The following CA5B variants were observed in gnomAD, a reference collection of about 807,000 sequenced individuals.
CA5B encodes the protein carbonic anhydrase 5B.
CA5B carries 15 observed loss-of-function variants against 23.1 expected under a neutral mutation model. The ratio of observed to expected loss-of-function variants is 0.65; its 90% CI spans 0.43 to 1.00. The LOEUF is 1.00. Ranked by LOEUF, CA5B falls within the 50% of genes least tolerant of loss-of-function variation. CA5B has a pLI of 0.00. For missense variants in CA5B, 236 were observed against 252.2 expected (o/e 0.94, Z 0.43); for synonymous variants, 84 against 98.5 (o/e 0.85, Z 0.87).
chrX:15,767,551 G>A (rs1326116455), intron 3 of CA5B, among the ~76,000 whole-genome samples: 1 of 109,440 alleles, frequency 9.1e-6, no homozygotes, highest in Non-Finnish European at 1.9e-5. Flanking sequence ...ACAGGCATGT[G>A]CCACCACGCT....
At chrX:15,743,942 A>G (rs1931173152) in intron 1 of CA5B, among the ~76,000 whole-genome samples, 1 of 111,929 alleles carries the variant, frequency 8.9e-6, no homozygotes. Flanking sequence ...GGTCCCCTAC[A>G]GTGAGATCAG....
At chrX:15,770,794 GTCTT>G (rs977640749) in intron 3 of CA5B, among the ~76,000 whole-genome samples, 2 of 108,029 alleles carry the variant, frequency 1.9e-5, no homozygotes, top group Non-Finnish European at 3.8e-5. Context: ...TTTAGAAAGA[GTCTT>G]TCTCTGTTGC....
chrX:15,749,460 A>G (rs1601779427), intron 1 of CA5B, among the ~76,000 whole-genome samples: 1 of 111,892 alleles, frequency 8.9e-6, no homozygotes. Flanking sequence ...GTCCATGACT[A>G]TTTTGGCAGG....
chrX:15,746,771 T>G (rs1454021897), intron 1 of CA5B, among the ~76,000 whole-genome samples: 1 of 110,602 alleles, frequency 9.0e-6, no homozygotes, highest in Non-Finnish European at 1.9e-5. Flanking sequence ...TGAAGTGAGG[T>G]TTTCTTGCTG....
chrX:15,756,086 A>G (rs1343954663), intron 2 of CA5B, among the ~76,000 whole-genome samples: 4 of 112,019 alleles, frequency 3.6e-5, no homozygotes, highest in Non-Finnish European at 5.6e-5. Flanking sequence ...TTGAGGAGTA[A>G]GAACAGTTGA....
chrX:15,756,888 A>G (rs1244724657), intron 2 of CA5B, among the ~76,000 whole-genome samples: 1 of 106,447 alleles, frequency 9.4e-6, no homozygotes, highest in East Asian at 3.0e-4. Flanking sequence ...CCCCGTCTCT[A>G]CTAAAAATAC....
rs761357723 is a variant in CA5B at position 15,781,370 on chromosome X, G to A, written c.775-1115G>A. ...TCAGAGAACAAGCCGTTGATATTCT[G>A]GGTTGCTCCTTTTGCATTGAGTTGT... On this transcript the variant is annotated intron_variant, in intron 7 of 7. Transcript: ENST00000318636. 3.6e-5 allele frequency among the ~76,000 whole-genome samples: 4 copies of A among 111,998 alleles called. No homozygotes were observed. In the South Asian group the frequency reaches 1.5e-3, roughly 42 times the overall value.
intron 1 of CA5B, among the ~76,000 whole-genome samples, chrX:15,748,224 T>C (rs1010267033): frequency 3.6e-5 from 4 of 112,219 alleles, no homozygotes; most frequent in Non-Finnish European, 7.5e-5. Context: ...TAGTCCTATG[T>C]AGTATTTTTC....
intron 1 of CA5B, among the ~76,000 whole-genome samples, chrX:15,744,715 G>A (rs1424086555): frequency 9.0e-6 from 1 of 110,861 alleles, no homozygotes. Context: ...ATCGCGGAAG[G>A]TTCCCCTGTC....
At position 15,784,422 on chromosome X, in the gene CA5B, T is replaced by C. The variant is rs1932079393; in HGVS notation, c.*1758T>C. Reference sequence around the variant, plus strand: ...GTTTATACAGTGGTTTAAAAGACTTTTGTTATGGTAATAGGGAGAGAAACT... The same window carrying C: ...GTTTATACAGTGGTTTAAAAGACTTCTGTTATGGTAATAGGGAGAGAAACT... On this transcript the variant is annotated 3_prime_UTR_variant, in exon 8 of 8. Coordinates refer to ENST00000318636, the MANE Select transcript of CA5B (RefSeq NM_007220.4). 8.9e-6 allele frequency: 1 copy of C among 112,061 alleles called. No individual in the cohort carries two copies. 9.2% of individuals were successfully genotyped at this position (112,061 alleles called of 1,213,427 possible). A position where few individuals can be genotyped will look rare whatever the true frequency, so the allele number is the denominator to read the frequency against.
intron 2 of CA5B, among the ~76,000 whole-genome samples, chrX:15,764,327 C>T (rs12393081): frequency 0.35 from 38,058 of 107,946 alleles, 6,031 homozygotes; most frequent in Non-Finnish European, 0.48. Flanking sequence ...ACAACAGCCT[C>T]GACCTCCCGG....
At chrX:15,746,846 C>T (rs1931244919) in intron 1 of CA5B, among the ~76,000 whole-genome samples, 1 of 110,899 alleles carries the variant, frequency 9.0e-6, no homozygotes, top group Non-Finnish European at 1.9e-5. Context: ...GTGGTGTCAG[C>T]TGATCCATCA....
In CA5B at chrX:15,785,632, G is replaced by A. The variant is rs148673226; in HGVS notation, c.*2968G>A. 5.4e-5 allele frequency: 6 copies of A among 111,945 alleles called. No homozygotes were observed. The highest frequency in any genetic ancestry group is 4.6e-3 in the Middle Eastern group (1 of 217). The allele number at this position is 111,945 out of a possible 1,213,427, so 9.2% of individuals were successfully genotyped here. A position where few individuals can be genotyped will look rare whatever the true frequency, so the allele number is the denominator to read the frequency against. On this transcript the variant is annotated 3_prime_UTR_variant, in exon 8 of 8. Coordinates refer to ENST00000318636, the MANE Select transcript of CA5B (RefSeq NM_007220.4). Reference sequence around the variant, plus strand: ...TACTTAACACTACTGAACTGTATACGTATAAGTTTGAGAAATATCTCTTTT... The same window carrying A: ...TACTTAACACTACTGAACTGTATACATATAAGTTTGAGAAATATCTCTTTT...
At chrX:15,749,776 C>A (rs1201567764) in intron 1 of CA5B, 195 bp from the exon 2 acceptor site, 2 of 311,800 alleles carry the variant, frequency 6.4e-6, no homozygotes, top group Non-Finnish European at 1.1e-5. Flanking sequence ...TCCTCAGGAC[C>A]CTCCCTGCCC....
intron 3 of CA5B, among the ~76,000 whole-genome samples, chrX:15,765,789 A>G (rs777139874): frequency 1.8e-5 from 2 of 110,674 alleles, no homozygotes; most frequent in Non-Finnish European, 3.8e-5. Flanking sequence ...CAGTATCAAT[A>G]GAGCTGAAGC....
Position 15,787,548 on chromosome X carries a change from G to A in CA5B, c.*4884G>A, listed in dbSNP as rs1221853700. On this transcript the variant is annotated 3_prime_UTR_variant, in exon 8 of 8. Transcript: ENST00000318636. ...GGCTTTTAGAGTTACTTCCTGTAAT[G>A]AAATTAACAAGCAATTCAGGCCTAT... 2.7e-5 allele frequency: 3 copies of A among 112,518 alleles called. No individual in the cohort carries two copies. Among genetic ancestry groups the A allele is most frequent in the African/African-American group, 9.7e-5 (3 of 30,952 alleles). The allele number at this position is 112,518 out of a possible 1,213,427, so 9.3% of individuals were successfully genotyped here. A position where few individuals can be genotyped will look rare whatever the true frequency, so the allele number is the denominator to read the frequency against.
chrX:15,782,867 G>A lies in CA5B; in HGVS notation c.*203G>A. 1 of 346,821 alleles carries A rather than the reference G, an allele frequency of 2.9e-6. No homozygotes were observed. The highest frequency in any genetic ancestry group is 5.0e-6 in the Non-Finnish European group (1 of 201,290). 28.6% of individuals were successfully genotyped at this position (346,821 alleles called of 1,213,427 possible). A position where few individuals can be genotyped will look rare whatever the true frequency, so the allele number is the denominator to read the frequency against. Reference sequence around the variant, plus strand: ...AAGTTTCTCTTACAGATACCTGTTGGTAATTGTAATGCCTTTTTTTTTTCT... The same window carrying A: ...AAGTTTCTCTTACAGATACCTGTTGATAATTGTAATGCCTTTTTTTTTTCT... On this transcript the variant is annotated 3_prime_UTR_variant, in exon 8 of 8. Transcript: ENST00000318636.
At position 15,788,217 on chromosome X, in the gene CA5B, A is replaced by AT. The variant is rs2147273456; in HGVS notation, c.*5554dup. 1 of 111,900 alleles carries AT rather than the reference A, an allele frequency of 8.9e-6. No individual in the cohort carries two copies. The highest frequency in any genetic ancestry group is 3.7e-4 in the South Asian group (1 of 2,683). 9.2% of individuals were successfully genotyped at this position (111,900 alleles called of 1,213,427 possible). ...CATGATAGATGTTATAAAAGGTGGAATACTTGTACTGGAAATGCATACAGC... is the reference window on the plus strand; with the variant it reads ...CATGATAGATGTTATAAAAGGTGGAATTACTTGTACTGGAAATGCATACAGC... On this transcript the variant is annotated 3_prime_UTR_variant, in exon 8 of 8. Coordinates refer to ENST00000318636, the MANE Select transcript of CA5B (RefSeq NM_007220.4).
intron 3 of CA5B, among the ~76,000 whole-genome samples, chrX:15,770,594 G>A (rs1931797861): frequency 9.1e-6 from 1 of 109,355 alleles, no homozygotes; most frequent in Admixed American, 9.8e-5. Flanking sequence ...CCCATTTCTT[G>A]ATGACTATAT....
Sources: allele counts gnomAD v4.1 joint callset (sites outside exome capture counted in the v4.1 genomes callset), GRCh38; gene constraint gnomAD v4.1.1; transcripts MANE v1.5; gene names NCBI Gene and HGNC (gene_info 2026-07-23, HGNC 2026-07-21).